Variants in RBFOX1 observed in about 807,000 individuals in gnomAD.
The protein encoded by RBFOX1 is RNA binding fox-1 homolog 1.
RBFOX1 carries 8 observed loss-of-function variants against 57.7 expected under a neutral mutation model. The ratio of observed to expected loss-of-function variants is 0.14; its 90% CI spans 0.08 to 0.25. The LOEUF (loss-of-function observed/expected upper bound fraction) is 0.25. Ranked by LOEUF, RBFOX1 falls within the 10% of genes least tolerant of loss-of-function variation. The probability of loss-of-function intolerance (pLI) is 1.00; values close to 1 mark genes in which losing one functional copy is unlikely to be tolerated. For synonymous variants in RBFOX1, 326 were observed against 222.4 expected (o/e 1.47, Z -4.15); for missense variants, 611 against 548.5 (o/e 1.11, Z -1.14).
chr16:5,245,837 A>G (rs2062285428), intron 1 of RBFOX1, among the ~76,000 whole-genome samples: 1 of 152,272 alleles, frequency 6.6e-6, no homozygotes, highest in African/African-American at 2.4e-5. Flanking sequence ...TCAAATGTCA[A>G]TTAACCATTT....
At chr16:7,176,919 C>G (rs1036872599) in intron 4 of RBFOX1, among the ~76,000 whole-genome samples, 1 of 152,080 alleles carries the variant, frequency 6.6e-6, no homozygotes, top group African/African-American at 2.4e-5. Context: ...ATTTAAATGC[C>G]TCTAATCTCA....
rs1161190794 is a variant in RBFOX1, at chr16:7,081,801, A to C, written c.27+29703A>C. ...ATTTGAACACCTGCCTGGAGAATCC[A>C]ATAATAGGATTGCTCTTATTGATGA... is the stretch of plus-strand genomic sequence containing the variant. On this transcript the variant is annotated intron_variant, in intron 4 of 15. Transcript: ENST00000550418. Among the ~76,000 whole-genome samples, 4 of 152,216 alleles carry C rather than the reference A, an allele frequency of 2.6e-5. No individual in the cohort carries two copies. The East Asian group carries it at 7.7e-4, about 29-fold the overall frequency.
intron 3 of RBFOX1, chr16:6,873,942 G>C (rs1248989435): frequency 2.0e-5 from 3 of 152,178 alleles, no homozygotes; most frequent in African/African-American, 7.2e-5. Context: ...GAATGATACA[G>C]AGAAGATTAG....
chr16:5,348,049 A>C (rs1596604848), intron 1 of RBFOX1, among the ~76,000 whole-genome samples: 25 of 70,528 alleles, frequency 3.5e-4, no homozygotes, highest in Admixed American at 3.6e-4. Flanking sequence ...CCATCCACCC[A>C]CCCTTCCACT....
chr16:7,049,582 G>C lies in RBFOX1; in HGVS notation c.-15-2475G>C, dbSNP rs7191355. 9.9e-3 allele frequency among the ~76,000 whole-genome samples: 1,502 copies of C among 152,276 alleles called. 18 individuals carry two copies. The highest frequency in any genetic ancestry group is 0.034 in the African/African-American group (1,425 of 41,552). Reference sequence around the variant, plus strand: ...TGAGTCTTTATATGGCTGGGTGTCTGATTTTCAGCCCTTGGCTACCTTGCA... The same window carrying C: ...TGAGTCTTTATATGGCTGGGTGTCTCATTTTCAGCCCTTGGCTACCTTGCA... On this transcript the variant is annotated intron_variant, in intron 3 of 15. Coordinates refer to ENST00000550418, the MANE Select transcript of RBFOX1 (RefSeq NM_018723.4).
At chr16:7,159,807 C>G (rs998848780) in intron 4 of RBFOX1, among the ~76,000 whole-genome samples, 1 of 152,178 alleles carries the variant, frequency 6.6e-6, no homozygotes, top group African/African-American at 2.4e-5. Flanking sequence ...CGCATACATC[C>G]CACCTGTACC....
intron 3 of RBFOX1, among the ~76,000 whole-genome samples, chr16:5,708,459 A>G (rs752467086): frequency 1.2e-4 from 18 of 152,210 alleles, no homozygotes; most frequent in Non-Finnish European, 1.9e-4. Flanking sequence ...CATTTAATTT[A>G]TAATTTCAGG....
chr16:5,941,373 C>G (rs573398647), intron 4 of RBFOX1, among the ~76,000 whole-genome samples: 9 of 151,670 alleles, frequency 5.9e-5, no homozygotes, highest in East Asian at 2.0e-4. Context: ...GCCTGTCGTC[C>G]CAGCTACTTG....
At chr16:6,761,500 CTTTTTTTTTTT>C (rs869243278) in intron 3 of RBFOX1, among the ~76,000 whole-genome samples, 2 of 60,128 alleles carry the variant, frequency 3.3e-5, no homozygotes, top group South Asian at 9.2e-4. Flanking sequence ...TCCCAATCTC[CTTTTTTTTTTT>C]TTTTTTTTTT....
At chr16:5,793,592 C>T (rs867025103) in intron 3 of RBFOX1, among the ~76,000 whole-genome samples, 2 of 152,184 alleles carry the variant, frequency 1.3e-5, no homozygotes, top group Non-Finnish European at 2.9e-5. Context: ...CCCCTCTCTT[C>T]ACCTCCTCAT....
At chr16:6,433,585 C>A (rs76511365) in intron 2 of RBFOX1, among the ~76,000 whole-genome samples, 1 of 152,128 alleles carries the variant, frequency 6.6e-6, no homozygotes, top group Non-Finnish European at 1.5e-5. Flanking sequence ...AAAGCAAGAA[C>A]CTTATGAACG....
rs759103545 is a variant in RBFOX1 at position 7,000,596 on chromosome 16, C to CTTTTTTTT, written c.-15-51447_-15-51440dup. 2.6e-3 allele frequency among the ~76,000 whole-genome samples: 242 copies of CTTTTTTTT among 92,560 alleles called. 5 individuals are homozygous for CTTTTTTTT. Among genetic ancestry groups the CTTTTTTTT allele is most frequent in the East Asian group, 0.015 (38 of 2,522 alleles). The allele number at this position is 92,560 out of a possible 152,430, so 60.7% of individuals were successfully genotyped here. On this transcript the variant is annotated intron_variant, in intron 3 of 15. Transcript: ENST00000550418. ...TTTCTTTTTTTCTTTCTTTTTCTTT[C>CTTTTTTTT]TTTTTTTTTTTTTTTTTTTTTGAGA...
At chr16:6,826,264 C>T (rs2092123895) in intron 3 of RBFOX1, among the ~76,000 whole-genome samples, 1 of 152,124 alleles carries the variant, frequency 6.6e-6, no homozygotes, top group Non-Finnish European at 1.5e-5. Flanking sequence ...GTAATCCCAG[C>T]ACTTTGGGGA....
intron 4 of RBFOX1, among the ~76,000 whole-genome samples, chr16:7,090,514 C>A (rs2060652580): frequency 6.6e-6 from 1 of 152,080 alleles, no homozygotes; most frequent in South Asian, 2.1e-4. Context: ...TTAAGCCAGT[C>A]CAATTAAATA....
chr16:6,353,435 A>C (rs548677935), intron 2 of RBFOX1, among the ~76,000 whole-genome samples: 1 of 151,772 alleles, frequency 6.6e-6, no homozygotes, highest in South Asian at 2.1e-4. Flanking sequence ...GACAAATATA[A>C]CTTGTCATTT....
chr16:5,547,841 A>G (rs2045279691), intron 2 of RBFOX1, among the ~76,000 whole-genome samples: 1 of 152,056 alleles, frequency 6.6e-6, no homozygotes, highest in Non-Finnish European at 1.5e-5. Flanking sequence ...TGGGAGCTAA[A>G]CATTGGGTAC....
chr16:6,879,158 C>T (rs145322338), intron 3 of RBFOX1, among the ~76,000 whole-genome samples: 3 of 152,262 alleles, frequency 2.0e-5, no homozygotes, highest in Admixed American at 1.3e-4. Flanking sequence ...ATTGACAAAA[C>T]GGCTGCAAGA....
chr16:5,575,551 C>G (rs559704908), intron 2 of RBFOX1, among the ~76,000 whole-genome samples: 73 of 152,336 alleles, frequency 4.8e-4, no homozygotes, highest in African/African-American at 1.8e-3. Context: ...TGCCTGGCAT[C>G]TACTCCTACC....
At chr16:6,960,933 G>A (rs1481749702) in intron 3 of RBFOX1, among the ~76,000 whole-genome samples, 1 of 144,750 alleles carries the variant, frequency 6.9e-6, no homozygotes, top group African/African-American at 2.6e-5. Context: ...CAGGAGACCA[G>A]CCTGGCCAAC....
Sources: allele counts gnomAD v4.1 joint callset (sites outside exome capture counted in the v4.1 genomes callset), GRCh38; gene constraint gnomAD v4.1.1; transcripts MANE v1.5; gene names NCBI Gene and HGNC (gene_info 2026-07-23, HGNC 2026-07-21).